The following PLD5 variants were observed in gnomAD, a reference collection of about 807,000 sequenced individuals.
PLD5 encodes the protein phospholipase D family member 5, also known as inactive phospholipase D5.
PLD5 carries 36 observed loss-of-function variants against 61.1 expected under a neutral mutation model. The ratio of observed to expected loss-of-function variants is 0.59; its 90% confidence interval spans 0.45 to 0.78. The LOEUF is 0.78. Among genes scored for constraint, PLD5 ranks in the 30% least tolerant of loss-of-function variants. The probability of loss-of-function intolerance (pLI) is 0.00; values close to 1 mark genes in which losing one functional copy is unlikely to be tolerated. For missense variants in PLD5, 515 were observed against 644.4 expected (o/e 0.80, Z 2.17); for synonymous variants, 243 against 242.8 (o/e 1.00, Z -0.01).
chr1:242,461,773 A>C (rs1198917566), intron 1 of PLD5, among the ~76,000 whole-genome samples: 1 of 152,174 alleles, frequency 6.6e-6, no homozygotes, highest in African/African-American at 2.4e-5. Flanking sequence ...ACTTCTTAGT[A>C]ATAGTCATTC....
intron 1 of PLD5, among the ~76,000 whole-genome samples, chr1:242,470,493 TC>T (rs1366039972): frequency 6.6e-6 from 1 of 152,160 alleles, no homozygotes; most frequent in Non-Finnish European, 1.5e-5. Flanking sequence ...AGTTCATTTT[TC>T]CCACCTCTAA....
At chr1:242,504,023 T>C (rs1337412269) in intron 1 of PLD5, among the ~76,000 whole-genome samples, 1 of 152,226 alleles carries the variant, frequency 6.6e-6, no homozygotes, top group Non-Finnish European at 1.5e-5. Context: ...TGACACAGAC[T>C]AACCAAATAT....
intron 2 of PLD5, among the ~76,000 whole-genome samples, chr1:242,296,869 G>A (rs181872782): frequency 3.9e-5 from 6 of 152,082 alleles, no homozygotes; most frequent in Admixed American, 2.0e-4. Flanking sequence ...ACAGGTGTAC[G>A]CCACTAGGCC....
chr1:242,410,442 T>C (rs1219773293), intron 1 of PLD5, among the ~76,000 whole-genome samples: 1 of 152,200 alleles, frequency 6.6e-6, no homozygotes, highest in African/African-American at 2.4e-5. Context: ...GAGATACTGC[T>C]TTGAACTTAC....
chr1:242,194,598 CTATCTATG>C lies in PLD5; in HGVS notation c.735+25382_735+25389del, dbSNP rs1361595962. On this transcript the variant is annotated intron_variant, in intron 5 of 9. Coordinates refer to ENST00000536534, the MANE Select transcript of PLD5 (RefSeq NM_001372062.1). ...TCTATCTATCTATCTATCTATCTAT[CTATCTATG>C]TATCTATCTATGTATCTATCTATCT... Among the ~76,000 whole-genome samples, 733 of 77,932 alleles carry C rather than the reference CTATCTATG, an allele frequency of 9.4e-3. 2 individuals carry two copies. The highest frequency in any genetic ancestry group is 0.026 in the African/African-American group (445 of 16,984). The allele number at this position is 77,932 out of a possible 152,430, so 51.1% of individuals were successfully genotyped here.
At chr1:242,132,356 T>C (rs897590242) in intron 5 of PLD5, among the ~76,000 whole-genome samples, 1 of 152,136 alleles carries the variant, frequency 6.6e-6, no homozygotes, top group African/African-American at 2.4e-5. Context: ...CACCGTTCTT[T>C]GCTGTAATTC....
intron 5 of PLD5, among the ~76,000 whole-genome samples, chr1:242,190,368 G>A (rs1668183900): frequency 1.3e-5 from 2 of 151,196 alleles, no homozygotes; most frequent in Admixed American, 6.6e-5. Flanking sequence ...GGATGGTCTC[G>A]ATCTCCTGAC....
intron 3 of PLD5, among the ~76,000 whole-genome samples, chr1:242,279,778 C>T (rs559734456): frequency 2.0e-5 from 3 of 152,336 alleles, no homozygotes; most frequent in South Asian, 2.1e-4. Flanking sequence ...GTGATCCACC[C>T]GCCTCAGCCT....
chr1:242,515,420 T>A (rs1480506791), intron 1 of PLD5, among the ~76,000 whole-genome samples: 2 of 152,086 alleles, frequency 1.3e-5, no homozygotes, highest in Non-Finnish European at 2.9e-5. Context: ...ACCATGTTGG[T>A]CAGGCTGGTC....
At chr1:242,456,340 A>T (rs1248495067) in intron 1 of PLD5, among the ~76,000 whole-genome samples, 2 of 152,158 alleles carry the variant, frequency 1.3e-5, no homozygotes, top group African/African-American at 4.8e-5. Context: ...TTTAAGATCC[A>T]GTTCCTTAGT....
chr1:242,411,407 T>C (rs901393685), intron 1 of PLD5, among the ~76,000 whole-genome samples: 67 of 152,294 alleles, frequency 4.4e-4, no homozygotes, highest in Non-Finnish European at 8.5e-4. Context: ...GGCTAATTTT[T>C]TGTATTTTTA....
At chr1:242,110,082 TTATTATTA>T (rs552591449) in intron 7 of PLD5, among the ~76,000 whole-genome samples, 203 of 140,986 alleles carry the variant, frequency 1.4e-3, no homozygotes, top group African/African-American at 4.8e-3. Flanking sequence ...TTATATATTA[TTATTATTA>T]TATTATTATA....
At chr1:242,351,813 C>A (rs1331653045) in intron 1 of PLD5, among the ~76,000 whole-genome samples, 1 of 152,156 alleles carries the variant, frequency 6.6e-6, no homozygotes, top group Admixed American at 6.5e-5. Context: ...TCCTTTTTTA[C>A]TTTCTGCTGG....
chr1:242,385,584 CTTT>C (rs1278809996), intron 1 of PLD5, among the ~76,000 whole-genome samples: 2 of 152,110 alleles, frequency 1.3e-5, no homozygotes, highest in Admixed American at 6.6e-5. Context: ...CTCAAACTGT[CTTT>C]TTCTCAATCC....
At chr1:242,434,845 C>T (rs1436945139) in intron 1 of PLD5, among the ~76,000 whole-genome samples, 1 of 152,146 alleles carries the variant, frequency 6.6e-6, no homozygotes, top group African/African-American at 2.4e-5. Flanking sequence ...GATCTCCTGA[C>T]CTCGTGATCT....
At chr1:242,122,343 A>G (rs1662449573) in intron 6 of PLD5, among the ~76,000 whole-genome samples, 1 of 152,254 alleles carries the variant, frequency 6.6e-6, no homozygotes, top group African/African-American at 2.4e-5. Context: ...TGCAACAACC[A>G]TATTCACTTA....
At chr1:242,122,324 G>A (rs1182523971) in intron 6 of PLD5, among the ~76,000 whole-genome samples, 1 of 152,230 alleles carries the variant, frequency 6.6e-6, no homozygotes, top group African/African-American at 2.4e-5. Flanking sequence ...GGGTTAGTAT[G>A]TAAATGTATG....
chr1:242,478,749 G>A (rs1167455162), intron 1 of PLD5, among the ~76,000 whole-genome samples: 1 of 151,994 alleles, frequency 6.6e-6, no homozygotes, highest in Non-Finnish European at 1.5e-5. Context: ...TCTCCTCCTC[G>A]AGAAACCCAC....
chr1:242,143,936 G>C (rs569339954), intron 5 of PLD5, among the ~76,000 whole-genome samples: 1 of 151,876 alleles, frequency 6.6e-6, no homozygotes, highest in South Asian at 2.1e-4. Context: ...CCCCTGCCAG[G>C]TTCAAGCGAT....
Sources: gnomAD v4.1 joint callset for allele counts (sites outside exome capture counted in the v4.1 genomes callset) on GRCh38, gnomAD v4.1.1 for gene constraint, MANE v1.5 for transcripts, NCBI Gene and HGNC (gene_info 2026-07-23, HGNC 2026-07-21) for gene names.